Variants in PIAS1 observed in about 807,000 individuals in gnomAD.
PIAS1 encodes the protein protein inhibitor of activated STAT 1.
Under a neutral mutation model 71.3 loss-of-function variants are expected in PIAS1, and 6 were observed. The ratio of observed to expected loss-of-function variants is 0.08; its 90% CI spans 0.05 to 0.17. The LOEUF (loss-of-function observed/expected upper bound fraction) is 0.17, where lower values mean the gene tolerates loss of function less well. Among genes scored for constraint, PIAS1 ranks in the 10% least tolerant of loss-of-function variants. PIAS1 has a pLI of 1.00. For synonymous variants in PIAS1, 303 were observed against 292.9 expected (o/e 1.03, Z -0.35); for missense variants, 555 against 793.6 (o/e 0.70, Z 3.61).
intron 7 of PIAS1, among the ~76,000 whole-genome samples, chr15:68,160,016 G>A (rs1021950003): frequency 2.6e-5 from 4 of 152,142 alleles, no homozygotes; most frequent in Admixed American, 1.3e-4. Flanking sequence ...TGTAGCCATC[G>A]TGATTGGTAT....
At chr15:68,140,243 A>G (rs1270504037) in intron 2 of PIAS1, among the ~76,000 whole-genome samples, 1 of 152,230 alleles carries the variant, frequency 6.6e-6, no homozygotes, top group Non-Finnish European at 1.5e-5. Context: ...CATATATTCT[A>G]AAATGCATCT....
intron 2 of PIAS1, among the ~76,000 whole-genome samples, chr15:68,110,124 G>A (rs1208867975): frequency 2.0e-5 from 3 of 152,064 alleles, no homozygotes; most frequent in Admixed American, 6.6e-5. Context: ...ATATTCTCAT[G>A]CAGCTCACTA....
chr15:68,108,011 TA>T (rs564479691), intron 2 of PIAS1, among the ~76,000 whole-genome samples: 2 of 152,280 alleles, frequency 1.3e-5, no homozygotes, highest in East Asian at 3.9e-4. Context: ...TACCTAAAAC[TA>T]GCATAAGCAT....
chr15:68,129,967 T>C (rs2092678652), intron 2 of PIAS1, among the ~76,000 whole-genome samples: 1 of 152,058 alleles, frequency 6.6e-6, no homozygotes, highest in Admixed American at 6.6e-5. Flanking sequence ...TTGTAATCTC[T>C]TGTGGTTTTA....
chr15:68,086,161 G>A lies in PIAS1; in HGVS notation c.25-145G>A. 1.8e-6 allele frequency: 1 copy of A among 563,340 alleles called. No individual in the cohort carries two copies. The highest frequency in any genetic ancestry group is 3.1e-6 in the Non-Finnish European group (1 of 325,066). 34.9% of individuals were successfully genotyped at this position (563,340 alleles called of 1,614,324 possible). A position where few individuals can be genotyped will look rare whatever the true frequency, so the allele number is the denominator to read the frequency against. On this transcript the variant is annotated intron_variant, in intron 1 of 13. Coordinates refer to ENST00000249636, the MANE Select transcript of PIAS1 (RefSeq NM_016166.3). The surrounding 1 kb of genome is among the most constrained non-coding windows in gnomAD (Gnocchi z 7.2). Reference sequence around the variant, plus strand: ...TACTTAACGTTAAATGATTAAATTTGAAGTTTGAAATAATAGGATTATAAG... The same window carrying A: ...TACTTAACGTTAAATGATTAAATTTAAAGTTTGAAATAATAGGATTATAAG...
At position 68,187,947 on chromosome 15, in the gene PIAS1, GTT is replaced by G. The variant is rs373368919; in HGVS notation, c.*119_*120del. 2.1e-6 allele frequency: 2 copies of G among 967,764 alleles called. No homozygotes were observed. The highest frequency in any genetic ancestry group is 4.0e-5 in the South Asian group (2 of 50,600). The allele number at this position is 967,764 out of a possible 1,614,324, so 59.9% of individuals were successfully genotyped here. A position where few individuals can be genotyped will look rare whatever the true frequency, so the allele number is the denominator to read the frequency against. The stretch of plus-strand genomic sequence containing the variant: ...TCTGTTTAGAAAAGTATACAAGCGT[GTT>G]TTTTTTCCTTTTTTTAGGGAAAAAA... On this transcript the variant is annotated 3_prime_UTR_variant, in exon 14 of 14. Coordinates refer to ENST00000249636, the MANE Select transcript of PIAS1 (RefSeq NM_016166.3). This position sits in a 1 kb window ranked among gnomAD's most constrained non-coding sequence, Gnocchi z 5.3.
intron 7 of PIAS1, among the ~76,000 whole-genome samples, chr15:68,163,102 G>C (rs1398519387): frequency 6.6e-6 from 1 of 152,148 alleles, no homozygotes; most frequent in East Asian, 1.9e-4. Context: ...CGTTTAGTTA[G>C]TTGACACCTA....
chr15:68,086,496 C>G lies in PIAS1; in HGVS notation c.215C>G (p.Pro72Arg). ...RRRFPQKIMT[P>R]ADLSIPNVHS... ...CGGTTCCCACAGAAAATCATGACGC[C>G]TGCAGACTTGTCCATCCCCAACGTA... Residue 72 changes from proline (P) to arginine (R), a missense_variant, in exon 2 of 14, where the codon CCT becomes CGT. Physicochemically the swap from Pro to Arg is moderately radical, Grantham distance 103. Transcript: ENST00000249636. This position sits in a 1 kb window ranked among gnomAD's most constrained non-coding sequence, Gnocchi z 7.2. 6.2e-7 allele frequency: 1 copy of G among 1,613,936 alleles called. No homozygotes were observed. Among genetic ancestry groups the G allele is most frequent in the Non-Finnish European group, 8.5e-7 (1 of 1,179,854 alleles).
intron 7 of PIAS1, among the ~76,000 whole-genome samples, chr15:68,159,691 A>G (rs2092912049): frequency 6.6e-6 from 1 of 152,200 alleles, no homozygotes; most frequent in Non-Finnish European, 1.5e-5. Flanking sequence ...CATTTGATAA[A>G]TGATGGACAT....
chr15:68,182,490 C>CGT lies in PIAS1; in HGVS notation c.1625-1115_1625-1114dup, dbSNP rs67774530. Among the ~76,000 whole-genome samples, 390 of 123,354 alleles carry CGT rather than the reference C, an allele frequency of 3.2e-3. 25 individuals carry two copies. Among genetic ancestry groups the CGT allele is most frequent in the African/African-American group, 8.2e-3 (257 of 31,420 alleles). The allele number at this position is 123,354 out of a possible 152,430, so 80.9% of individuals were successfully genotyped here. ...AGTTTTGCTCTTATTGCTCAGGCTG[C>CGT]GTGTGTGTGTGTGTGTGTGTGTGTG... On this transcript the variant is annotated intron_variant, in intron 12 of 13. Transcript: ENST00000249636.
In PIAS1 at chr15:68,054,349, A is replaced by G. The variant is rs1358060023; in HGVS notation, c.23A>G (p.Lys8Arg). ...AAGATGGCGGACAGTGCGGAACTAA[A>G]GGTAAAGCGCAGCTCGAATTCACTT... Reference protein sequence around the residue: MADSAELKQMVMSLRVSE... With the variant: MADSAELRQMVMSLRVSE... The change falls in exon 1 of 14, where the codon AAG (lysine) becomes AGG (arginine). Residue 8 changes from lysine to arginine, a missense_variant and splice_region_variant. Lys to Arg is a conservative substitution (Grantham distance 26, BLOSUM62 2). Transcript: ENST00000249636. This position sits in a 1 kb window ranked among gnomAD's most constrained non-coding sequence, Gnocchi z 4.6. 6.3e-7 allele frequency: 1 copy of G among 1,577,006 alleles called. No individual in the cohort carries two copies. The highest frequency in any genetic ancestry group is 1.2e-5 in the South Asian group (1 of 85,970).
At chr15:68,059,015 T>G (rs1184798076) in intron 1 of PIAS1, among the ~76,000 whole-genome samples, 1 of 148,324 alleles carries the variant, frequency 6.7e-6, no homozygotes, top group East Asian at 2.0e-4. Context: ...TTTTTTTTTT[T>G]TTTTTTTGAG....
chr15:68,083,253 C>G (rs2092245822), intron 1 of PIAS1, among the ~76,000 whole-genome samples: 1 of 152,168 alleles, frequency 6.6e-6, no homozygotes, highest in Non-Finnish European at 1.5e-5. Context: ...GTTGTCAACA[C>G]TTTTCATTGT....
intron 1 of PIAS1, among the ~76,000 whole-genome samples, chr15:68,083,770 A>C (rs960791617): frequency 1.3e-5 from 2 of 151,882 alleles, no homozygotes; most frequent in South Asian, 2.1e-4. Context: ...CCTGTAAAAA[A>C]AAAAAAAAAC....
chr15:68,078,333 TAC>T (rs2092192810), intron 1 of PIAS1, among the ~76,000 whole-genome samples: 1 of 152,214 alleles, frequency 6.6e-6, no homozygotes, highest in Non-Finnish European at 1.5e-5. Flanking sequence ...CTTCTTACCT[TAC>T]ATGTAGATAA....
intron 2 of PIAS1, among the ~76,000 whole-genome samples, chr15:68,100,362 T>C (rs2140997536): frequency 1.3e-5 from 2 of 152,310 alleles, no homozygotes; most frequent in Admixed American, 1.3e-4. Flanking sequence ...CAATAAAAGA[T>C]ACCTAACTGT....
chr15:68,120,137 C>A (rs908149701), intron 2 of PIAS1, among the ~76,000 whole-genome samples: 1 of 152,124 alleles, frequency 6.6e-6, no homozygotes, highest in Non-Finnish European at 1.5e-5. Context: ...CATGGTATAT[C>A]TTATCCTTCT....
Position 68,183,649 on chromosome 15 carries a change from C to A in PIAS1, c.1644C>A (p.Phe548Leu). ...YDLQGLDFFPFLSGDNQHYNT... is the reference protein window; with the variant it reads ...YDLQGLDFFPLLSGDNQHYNT... ...CCACAGGATTAGATTTCTTTCCTTTCTTATCAGGAGACAATCAGGTATGTT... is the reference window on the plus strand; with the variant it reads ...CCACAGGATTAGATTTCTTTCCTTTATTATCAGGAGACAATCAGGTATGTT... The change falls in exon 13 of 14, where the codon TTC (phenylalanine) becomes TTA (leucine). Residue 548 changes from phenylalanine (F) to leucine (L), a missense_variant. Transcript: ENST00000249636. 9.0e-7 allele frequency: 1 copy of A among 1,109,452 alleles called. No individual in the cohort carries two copies. 68.7% of individuals were successfully genotyped at this position (1,109,452 alleles called of 1,614,324 possible).
intron 2 of PIAS1, among the ~76,000 whole-genome samples, chr15:68,132,094 CTAA>C (rs2092692039): frequency 6.6e-6 from 1 of 150,940 alleles, no homozygotes; most frequent in South Asian, 2.1e-4. Context: ...GAGGTAGTTA[CTAA>C]TAATGGAGGT....
Sources: gnomAD v4.1 joint callset for allele counts (sites outside exome capture counted in the v4.1 genomes callset) on GRCh38, gnomAD v4.1.1 for gene constraint, Gnocchi (gnomAD v3.1) non-coding constraint, MANE v1.5 for transcripts, NCBI Gene and HGNC (gene_info 2026-07-23, HGNC 2026-07-21) for gene names.